CAMTA1: variants seen among roughly 807,000 people sequenced by gnomAD.
CAMTA1 encodes calmodulin-binding transcription activator 1.
A neutral mutation model predicts 170.9 loss-of-function variants in CAMTA1; 27 were observed. That is an observed-to-expected ratio of 0.16 (90% confidence interval 0.12 to 0.22). CAMTA1 has a LOEUF of 0.22. CAMTA1 is among the 10% of genes least tolerant of loss of function. The probability of loss-of-function intolerance (pLI) is 1.00; values close to 1 mark genes in which losing one functional copy is unlikely to be tolerated. For missense variants in CAMTA1, 1,619 were observed against 2,217.2 expected, an observed-to-expected ratio of 0.73 and a Z score of 5.42; for synonymous variants, 833 against 891.5, an observed-to-expected ratio of 0.93 and a Z score of 1.17.
At chr1:7,185,626 ACACTAC>A (rs1653101470) in intron 4 of CAMTA1, among the ~76,000 whole-genome samples, 2 of 152,236 alleles carry the variant, frequency 1.3e-5, no homozygotes, top group Non-Finnish European at 2.9e-5. Context: ...AATATAGCAG[ACACTAC>A]CTGAATCAAG....
intron 6 of CAMTA1, among the ~76,000 whole-genome samples, chr1:7,578,701 A>G (rs915770409): frequency 1.3e-5 from 2 of 152,190 alleles, no homozygotes; most frequent in African/African-American, 4.8e-5. Context: ...GAGGGTGGGA[A>G]GTCCAAGATG....
intron 11 of CAMTA1, among the ~76,000 whole-genome samples, chr1:7,688,432 C>G (rs1044421344): frequency 2.0e-5 from 3 of 152,000 alleles, no homozygotes; most frequent in Non-Finnish European, 4.4e-5. Flanking sequence ...CTGGCTGGTC[C>G]AGGCCAGCAA....
At chr1:7,066,491 A>C (rs1381850420) in intron 3 of CAMTA1, among the ~76,000 whole-genome samples, 2 of 152,258 alleles carry the variant, frequency 1.3e-5, no homozygotes, top group Non-Finnish European at 2.9e-5. Flanking sequence ...TACTGCTTTC[A>C]AGATAAACGT....
chr1:7,252,426 C>T (rs1178533322), intron 5 of CAMTA1, among the ~76,000 whole-genome samples: 3 of 152,238 alleles, frequency 2.0e-5, no homozygotes, highest in Admixed American at 6.5e-5. Flanking sequence ...CCTTTTCAGA[C>T]AAGATCAACC....
chr1:7,671,333 C>T (rs2096058666), intron 10 of CAMTA1, among the ~76,000 whole-genome samples: 1 of 152,212 alleles, frequency 6.6e-6, no homozygotes, highest in Non-Finnish European at 1.5e-5. Context: ...CCAGGACTGG[C>T]CACAGTGGGA....
intron 2 of CAMTA1, among the ~76,000 whole-genome samples, chr1:6,820,772 A>C (rs547541805): frequency 8.5e-5 from 13 of 152,324 alleles, no homozygotes; most frequent in Middle Eastern, 3.4e-3. Flanking sequence ...GATACACAGT[A>C]GAGTCCCACA....
chr1:6,972,568 C>G (rs1692735152), intron 3 of CAMTA1, among the ~76,000 whole-genome samples: 1 of 152,122 alleles, frequency 6.6e-6, no homozygotes, highest in Non-Finnish European at 1.5e-5. Context: ...TCCCTGCCCT[C>G]GGTGAGCTTA....
In CAMTA1 at chr1:7,281,210, AC is replaced by A. The variant is rs1451420844; in HGVS notation, c.438+31585del. ...TCAGTTTGAAAAACACAGACTTGTA[AC>A]TTTTTTTCTTTATAACTGGCAGAAT... On this transcript the variant is annotated intron_variant, in intron 5 of 22. Transcript: ENST00000303635. Among the ~76,000 whole-genome samples, 8 of 152,342 alleles carry A rather than the reference AC, an allele frequency of 5.3e-5. No homozygotes were observed. The South Asian group carries it at 1.2e-3, about 24-fold the overall frequency.
intron 5 of CAMTA1, among the ~76,000 whole-genome samples, chr1:7,462,296 C>T (rs531787631): frequency 1.6e-4 from 25 of 152,064 alleles, no homozygotes; most frequent in Middle Eastern, 3.4e-3. Flanking sequence ...GATGGAGTCT[C>T]ACTCTGTTGC....
At chr1:7,432,200 C>T (rs1557703630) in intron 5 of CAMTA1, among the ~76,000 whole-genome samples, 2 of 152,200 alleles carry the variant, frequency 1.3e-5, no homozygotes, top group Non-Finnish European at 2.9e-5. Context: ...GTGCCAGGAG[C>T]ATCCGTATTC....
At chr1:6,860,201 A>G (rs1437748369) in intron 3 of CAMTA1, among the ~76,000 whole-genome samples, 1 of 152,092 alleles carries the variant, frequency 6.6e-6, no homozygotes, top group East Asian at 1.9e-4. Context: ...CATGCTCCCA[A>G]ACTCTGAATC....
chr1:7,310,817 G>A (rs991010863), intron 5 of CAMTA1, among the ~76,000 whole-genome samples: 22 of 150,136 alleles, frequency 1.5e-4, no homozygotes, highest in African/African-American at 3.9e-4. Flanking sequence ...TGCAACTTCC[G>A]CCTCCTGGGT....
Position 7,063,989 on chromosome 1 carries a change from G to A in CAMTA1, c.235-27315G>A, listed in dbSNP as rs1403220038. 1.3e-5 allele frequency among the ~76,000 whole-genome samples: 2 copies of A among 152,224 alleles called. No individual in the cohort carries two copies. ...GAAGTCCAAGATTAAGGCACTGGCA[G>A]ATTCGATTCCTGATGATGGCTCTGG... On this transcript the variant is annotated intron_variant, in intron 3 of 22. Coordinates refer to ENST00000303635, the MANE Select transcript of CAMTA1 (RefSeq NM_015215.4). This position sits in a 1 kb window ranked among gnomAD's most constrained non-coding sequence, Gnocchi z 4.3.
At chr1:7,380,578 AAAAAG>A (rs756647859) in intron 5 of CAMTA1, among the ~76,000 whole-genome samples, 13 of 152,298 alleles carry the variant, frequency 8.5e-5, no homozygotes, top group East Asian at 1.9e-4. Context: ...CTGTCTCAAA[AAAAAG>A]AAAAGAAAAG....
chr1:7,134,304 A>G (rs771566325), intron 4 of CAMTA1, among the ~76,000 whole-genome samples: 1 of 151,740 alleles, frequency 6.6e-6, no homozygotes, highest in Non-Finnish European at 1.5e-5. Flanking sequence ...ATTTATTTTT[A>G]TATGTTCTGA....
In CAMTA1 at chr1:7,527,930, C is replaced by T. The variant is rs140099448; in HGVS notation, c.510+60029C>T. ...ACAGCAGCACCAATGCTCTAGAGAT[C>T]GCTCCAAGAAGCTGGGGAAGGTTTG... On this transcript the variant is annotated intron_variant, in intron 6 of 22. Coordinates refer to ENST00000303635, the MANE Select transcript of CAMTA1 (RefSeq NM_015215.4). Among the ~76,000 whole-genome samples the T allele has an allele frequency of 2.6e-5, 4 of 152,120 alleles. No individual in the cohort carries two copies. The East Asian group carries it at 5.8e-4, about 22-fold the overall frequency.
intron 6 of CAMTA1, among the ~76,000 whole-genome samples, chr1:7,611,177 C>T (rs899381527): frequency 3.9e-5 from 6 of 152,280 alleles, no homozygotes; most frequent in Non-Finnish European, 7.4e-5. Context: ...TCCATGCTCT[C>T]GGTGCAGAGT....
At chr1:7,353,176 A>T (rs2084816514) in intron 5 of CAMTA1, among the ~76,000 whole-genome samples, 2 of 152,196 alleles carry the variant, frequency 1.3e-5, no homozygotes, top group Admixed American at 6.5e-5. Flanking sequence ...AGAGATCATA[A>T]TTGCACAATA....
intron 5 of CAMTA1, among the ~76,000 whole-genome samples, chr1:7,327,238 A>G (rs2082738792): frequency 6.6e-6 from 1 of 151,860 alleles, no homozygotes; most frequent in Admixed American, 6.6e-5. Flanking sequence ...CCCTGTCTCT[A>G]CTAAAAATAC....
Sources: allele counts gnomAD v4.1 joint callset (sites outside exome capture counted in the v4.1 genomes callset), GRCh38; gene constraint gnomAD v4.1.1; non-coding constraint Gnocchi (gnomAD v3.1); transcripts MANE v1.5; gene names NCBI Gene and HGNC (gene_info 2026-07-23, HGNC 2026-07-21).